Variants in ZNF207 observed in about 807,000 individuals in gnomAD.
ZNF207 encodes zinc finger protein 207.
A neutral mutation model predicts 60.2 loss-of-function variants in ZNF207; 24 were observed. The observed-to-expected ratio is 0.40, with a 90% confidence interval of 0.29 to 0.56. The LOEUF is 0.56. Among genes scored for constraint, ZNF207 ranks in the 20% least tolerant of loss-of-function variants. The pLI, the probability that ZNF207 is intolerant of heterozygous loss-of-function variation, is 0.49. For synonymous variants in ZNF207, 236 were observed against 194.7 expected (o/e 1.21, Z -1.77); for missense variants, 452 against 636.6 (o/e 0.71, Z 3.12).
In ZNF207 at chr17:32,376,526, A is replaced by G. The variant is rs1008412649; in HGVS notation, c.*6767A>G. On this transcript the variant is annotated 3_prime_UTR_variant, in exon 12 of 12. Transcript: ENST00000394670. ...TCTTTAAATCTGTTCAGTTAGTCTCATGTATTCTCAGGGGAAAATGTCTTT... is the reference window on the plus strand; with the variant it reads ...TCTTTAAATCTGTTCAGTTAGTCTCGTGTATTCTCAGGGGAAAATGTCTTT... The G allele has an allele frequency of 6.6e-6, 1 of 152,052 alleles. No individual in the cohort carries two copies. The highest frequency in any genetic ancestry group is 1.5e-5 in the Non-Finnish European group (1 of 67,918). 9.4% of individuals were successfully genotyped at this position (152,052 alleles called of 1,614,324 possible).
rs533165870 is a variant in ZNF207, at chr17:32,363,299, G to C, written c.670+315G>C. On this transcript the variant is annotated intron_variant, in intron 7 of 11. Transcript: ENST00000394670. ...GACGGGGTTTTACCATGTTGACCAG[G>C]TTGGTCTTGAACTTCTGACCTCAGG... 5.9e-5 allele frequency among the ~76,000 whole-genome samples: 9 copies of C among 151,848 alleles called. No individual in the cohort carries two copies. The South Asian group carries it at 6.2e-4, about 11-fold the overall frequency.
intron 2 of ZNF207, 145 bp downstream of exon 2, chr17:32,352,057 T>C (rs889364577): frequency 1.4e-6 from 1 of 734,284 alleles, no homozygotes; most frequent in Non-Finnish European, 2.0e-6. Context: ...AACCTCTGCC[T>C]CTCGGGTTCA....
At chr17:32,352,236 C>G (rs1411153567) in intron 2 of ZNF207, among the ~76,000 whole-genome samples, 1 of 152,110 alleles carries the variant, frequency 6.6e-6, no homozygotes, top group South Asian at 2.1e-4. Context: ...TCCCAGAGTG[C>G]TGGGATTACA....
intron 10 of ZNF207, 92 bp from the exon 11 acceptor site, chr17:32,369,203 C>T: frequency 6.9e-7 from 1 of 1,454,962 alleles, no homozygotes; most frequent in South Asian, 1.4e-5. Context: ...TTGAAAATTA[C>T]TCTTAACGTT....
chr17:32,361,220 AGTTG>A (rs1904864130), intron 5 of ZNF207: 2 of 574,658 alleles, frequency 3.5e-6, no homozygotes, highest in Admixed American at 3.4e-5. Flanking sequence ...TGATTAAAGT[AGTTG>A]GTTATTTATA....
Position 32,381,525 on chromosome 17 carries a change from T to TA in ZNF207, c.*11767dup. On this transcript the variant is annotated 3_prime_UTR_variant, in exon 12 of 12. Transcript: ENST00000394670. ...AATGAAATGGAAGACTACATTTGTA[T>TA]ATATATCTGTATAATTTTTGTTTAC... 6.6e-6 allele frequency: 1 copy of TA among 152,370 alleles called. No homozygotes were observed. The highest frequency in any genetic ancestry group is 1.5e-5 in the Non-Finnish European group (1 of 68,026). The allele number at this position is 152,370 out of a possible 1,614,324, so 9.4% of individuals were successfully genotyped here. A position where few individuals can be genotyped will look rare whatever the true frequency, so the allele number is the denominator to read the frequency against.
In ZNF207 at chr17:32,374,522, C is replaced by G. The variant is rs1237733552; in HGVS notation, c.*4763C>G. On this transcript the variant is annotated 3_prime_UTR_variant, in exon 12 of 12. Coordinates refer to ENST00000394670, the MANE Select transcript of ZNF207 (RefSeq NM_001098507.2). ...GTGGGCCACCGCGCTTGGCCAAAAT[C>G]TGCATTCTTAATCACAAACTTACGC... The G allele has an allele frequency of 6.6e-6, 1 of 152,170 alleles. No individual in the cohort carries two copies. The highest frequency in any genetic ancestry group is 1.5e-5 in the Non-Finnish European group (1 of 68,040). 9.4% of individuals were successfully genotyped at this position (152,170 alleles called of 1,614,324 possible).
At chr17:32,351,549 C>T (rs769524505) in intron 1 of ZNF207, 27 of 1,529,276 alleles carry the variant, frequency 1.8e-5, no homozygotes, top group Non-Finnish European at 2.2e-5. Flanking sequence ...AAGTATATTG[C>T]TGATTATTGA....
At position 32,358,352 on chromosome 17, in the gene ZNF207, T is replaced by C. The variant is rs1336165517; in HGVS notation, c.169-151T>C. ...GAGGCTTAGAAGTTCACTGACATGC[T>C]TAATGTCACAGAGCTAGTGAATGGC... On this transcript the variant is annotated intron_variant, in intron 2 of 11. Transcript: ENST00000394670. The C allele has an allele frequency of 5.7e-5, 32 of 557,816 alleles. No homozygotes were observed. The East Asian group carries it at 7.8e-4, about 14-fold the overall frequency. 34.6% of individuals were successfully genotyped at this position (557,816 alleles called of 1,614,324 possible).
chr17:32,381,529 T>C lies in ZNF207; in HGVS notation c.*11770T>C, dbSNP rs1249903840. 2.6e-5 allele frequency: 4 copies of C among 152,252 alleles called. No homozygotes were observed. Among genetic ancestry groups the C allele is most frequent in the Admixed American group, 2.6e-4 (4 of 15,288 alleles). 9.4% of individuals were successfully genotyped at this position (152,252 alleles called of 1,614,324 possible). ...AAATGGAAGACTACATTTGTATATA[T>C]ATCTGTATAATTTTTGTTTACTAGT... On this transcript the variant is annotated 3_prime_UTR_variant, in exon 12 of 12. Transcript: ENST00000394670.
Position 32,369,719 on chromosome 17 carries a change from G to C in ZNF207, c.1445G>C (p.Gly482Ala). 6.3e-7 allele frequency: 1 copy of C among 1,584,120 alleles called. No individual in the cohort carries two copies. Among genetic ancestry groups the C allele is most frequent in the South Asian group, 1.2e-5 (1 of 86,084 alleles). The change falls in exon 12 of 12, where the codon GGA becomes GCA. Residue 482 changes from glycine (G) to alanine (A), a missense_variant. Coordinates refer to ENST00000394670, the MANE Select transcript of ZNF207 (RefSeq NM_001098507.2). The part of the protein sequence containing the change: ...YQGGPPRPPM[G>A]MRPPVMSQGG... ...GGTGGGCCTCCTCGACCTCCGATGG[G>C]AATGAGACCTCCTGTAATGTCGCAA... is the stretch of plus-strand genomic sequence containing the variant.
chr17:32,355,946 C>T (rs1389763109), intron 2 of ZNF207, among the ~76,000 whole-genome samples: 2 of 152,064 alleles, frequency 1.3e-5, no homozygotes, highest in African/African-American at 2.4e-5. Flanking sequence ...GGAGAGGAAG[C>T]GAAGGCATTC....
rs1405292203 is a variant in ZNF207 at position 32,357,339 on chromosome 17, A to ATTT, written c.169-1162_169-1161insTTT. 1.6e-3 allele frequency among the ~76,000 whole-genome samples: 133 copies of ATTT among 81,868 alleles called. 6 individuals carry two copies. The highest frequency in any genetic ancestry group is 5.1e-3 in the African/African-American group (82 of 16,172). 53.7% of individuals were successfully genotyped at this position (81,868 alleles called of 152,430 possible). ...TATTATTATTATTATTATTATTATT[A>ATTT]TTATTATTATTATTTTTTTTTTTTT... is the stretch of plus-strand genomic sequence containing the variant. On this transcript the variant is annotated intron_variant, in intron 2 of 11. Coordinates refer to ENST00000394670, the MANE Select transcript of ZNF207 (RefSeq NM_001098507.2).
intron 9 of ZNF207, among the ~76,000 whole-genome samples, chr17:32,367,256 TA>T (rs1905222410): frequency 2.6e-5 from 2 of 76,856 alleles, no homozygotes; most frequent in African/African-American, 9.3e-5. Context: ...TATATATATA[TA>T]TATATATATA....
chr17:32,359,670 G>A (rs756941076), intron 3 of ZNF207, among the ~76,000 whole-genome samples: 3 of 152,152 alleles, frequency 2.0e-5, no homozygotes, highest in Non-Finnish European at 4.4e-5. Flanking sequence ...TGGGCAGGCA[G>A]TGCAGGAAAA....
At chr17:32,363,080 A>T (rs1904972083) in intron 7 of ZNF207, 96 bp downstream of exon 7, 2 of 1,195,822 alleles carry the variant, frequency 1.7e-6, no homozygotes, top group Non-Finnish European at 2.3e-6. Flanking sequence ...AAATTTAAAA[A>T]TTTTTGAAAG....
intron 7 of ZNF207, among the ~76,000 whole-genome samples, chr17:32,363,685 C>A (rs928299108): frequency 2.0e-5 from 3 of 151,812 alleles, no homozygotes; most frequent in African/African-American, 7.3e-5. Context: ...GCGCCCACTA[C>A]CACGCCTGGC....
chr17:32,369,031 A>G, intron 10 of ZNF207: 2 of 385,650 alleles, frequency 5.2e-6, no homozygotes, highest in South Asian at 9.4e-5. Context: ...TAATAACAAT[A>G]CTTCATTAGA....
Position 32,372,002 on chromosome 17 carries a change from A to G in ZNF207, c.*2243A>G, listed in dbSNP as rs1444618607. The stretch of plus-strand genomic sequence containing the variant: ...AAAACTTGTGTTGAAAGTCTTTAAG[A>G]TAAAAATGGTGTGATAGGCCGGGCG... On this transcript the variant is annotated 3_prime_UTR_variant, in exon 12 of 12. Transcript: ENST00000394670. The G allele has an allele frequency of 6.6e-6, 1 of 151,928 alleles. No individual in the cohort carries two copies. Among genetic ancestry groups the G allele is most frequent in the Non-Finnish European group, 1.5e-5 (1 of 68,012 alleles). The allele number at this position is 151,928 out of a possible 1,614,324, so 9.4% of individuals were successfully genotyped here. A position where few individuals can be genotyped will look rare whatever the true frequency, so the allele number is the denominator to read the frequency against.
Sources: gnomAD v4.1 joint callset for allele counts (sites outside exome capture counted in the v4.1 genomes callset) on GRCh38, gnomAD v4.1.1 for gene constraint, MANE v1.5 for transcripts, NCBI Gene and HGNC (gene_info 2026-07-23, HGNC 2026-07-21) for gene names.